The following PTPRD variants were observed in gnomAD, a reference collection of about 807,000 sequenced individuals.
The protein encoded by PTPRD is protein tyrosine phosphatase receptor type D.
A neutral mutation model predicts 214.5 loss-of-function variants in PTPRD; 34 were observed. The ratio of observed to expected loss-of-function variants is 0.16; its 90% CI spans 0.12 to 0.21. The LOEUF is 0.21. Ranked by LOEUF, PTPRD falls within the 10% of genes least tolerant of loss-of-function variation. PTPRD has a pLI of 1.00. For synonymous variants in PTPRD, 1,128 were observed against 845.7 expected (o/e 1.33, Z -5.79); for missense variants, 2,545 against 2,398.7 (o/e 1.06, Z -1.27).
chr9:8,947,349 G>A (rs1009926973), intron 11 of PTPRD, among the ~76,000 whole-genome samples: 2 of 151,346 alleles, frequency 1.3e-5, no homozygotes, highest in African/African-American at 4.9e-5. Flanking sequence ...TGTAGTCCCA[G>A]CTATTCGGGA....
At chr9:8,986,021 A>T (rs376742323) in intron 11 of PTPRD, among the ~76,000 whole-genome samples, 1 of 152,026 alleles carries the variant, frequency 6.6e-6, no homozygotes, top group East Asian at 1.9e-4. Context: ...ACAGTAGTTG[A>T]TTTAAATTAT....
intron 27 of PTPRD, among the ~76,000 whole-genome samples, chr9:8,488,924 T>C (rs1430001274): frequency 6.6e-6 from 1 of 150,940 alleles, no homozygotes. Context: ...GGCAACAGAT[T>C]AAACATATTT....
chr9:10,329,678 T>C (rs777047889), intron 3 of PTPRD, among the ~76,000 whole-genome samples: 3 of 151,816 alleles, frequency 2.0e-5, no homozygotes, highest in Non-Finnish European at 2.9e-5. Flanking sequence ...GTTGGAAAAA[T>C]AGAACGTGTG....
chr9:8,660,984 T>C (rs187630947), intron 12 of PTPRD, among the ~76,000 whole-genome samples: 1 of 152,064 alleles, frequency 6.6e-6, no homozygotes, highest in East Asian at 1.9e-4. Flanking sequence ...ACACAAACAC[T>C]TGCACTCACT....
At chr9:8,479,188 T>C (rs1226911618) in intron 30 of PTPRD, among the ~76,000 whole-genome samples, 2 of 152,202 alleles carry the variant, frequency 1.3e-5, no homozygotes, top group Non-Finnish European at 2.9e-5. Context: ...TTAACCAGTC[T>C]AGAAAACAGG....
At chr9:9,861,646 T>A (rs143388410) in intron 5 of PTPRD, among the ~76,000 whole-genome samples, 2 of 152,214 alleles carry the variant, frequency 1.3e-5, no homozygotes, top group Non-Finnish European at 2.9e-5. Context: ...TAACTATTGA[T>A]ATACAGTATA....
intron 11 of PTPRD, among the ~76,000 whole-genome samples, chr9:8,815,097 T>C (rs1389448480): frequency 6.7e-6 from 1 of 148,948 alleles, no homozygotes; most frequent in African/African-American, 2.6e-5. Context: ...GACATCACTT[T>C]ATATAATTTA....
At chr9:9,155,636 C>G (rs1177619334) in intron 10 of PTPRD, among the ~76,000 whole-genome samples, 1 of 152,116 alleles carries the variant, frequency 6.6e-6, no homozygotes, top group Non-Finnish European at 1.5e-5. Flanking sequence ...CTACATTCAT[C>G]CTTGGAAGAA....
At chr9:9,791,979 T>C (rs2098970640) in intron 5 of PTPRD, among the ~76,000 whole-genome samples, 1 of 152,166 alleles carries the variant, frequency 6.6e-6, no homozygotes, top group Admixed American at 6.5e-5. Context: ...GCACTGCATC[T>C]AGAGTTCTGT....
At chr9:10,377,578 G>C (rs2097756036) in intron 2 of PTPRD, among the ~76,000 whole-genome samples, 1 of 151,906 alleles carries the variant, frequency 6.6e-6, no homozygotes, top group African/African-American at 2.4e-5. Context: ...TGCTGAGAAT[G>C]GTGGTTTCCA....
chr9:9,220,937 G>C (rs899462509), intron 9 of PTPRD, among the ~76,000 whole-genome samples: 1 of 151,992 alleles, frequency 6.6e-6, no homozygotes, highest in African/African-American at 2.4e-5. Flanking sequence ...AGGAAAGTAG[G>C]GGGAGGCTAA....
chr9:8,759,204 T>C (rs1000123017), intron 11 of PTPRD, among the ~76,000 whole-genome samples: 2 of 152,032 alleles, frequency 1.3e-5, no homozygotes, highest in Non-Finnish European at 2.9e-5. Context: ...TTATTTTTTG[T>C]AGAGATAAGG....
At chr9:9,357,576 T>C (rs1040718192) in intron 9 of PTPRD, among the ~76,000 whole-genome samples, 1 of 151,104 alleles carries the variant, frequency 6.6e-6, no homozygotes, top group African/African-American at 2.4e-5. Context: ...TAAAAGACCA[T>C]ATAAGAATCA....
At chr9:10,384,894 C>T (rs2097888250) in intron 2 of PTPRD, among the ~76,000 whole-genome samples, 1 of 151,616 alleles carries the variant, frequency 6.6e-6, no homozygotes, top group Non-Finnish European at 1.5e-5. Flanking sequence ...ATAACTTAAA[C>T]TCTGATTTAC....
chr9:8,715,750 C>G (rs1188005093), intron 12 of PTPRD, among the ~76,000 whole-genome samples: 1 of 152,182 alleles, frequency 6.6e-6, no homozygotes, highest in Non-Finnish European at 1.5e-5. Context: ...AATCAAGCAG[C>G]AATCATGTTT....
intron 5 of PTPRD, among the ~76,000 whole-genome samples, chr9:9,782,553 A>C (rs200705773): frequency 6.6e-6 from 1 of 152,202 alleles, no homozygotes; most frequent in Admixed American, 6.5e-5. Context: ...ATAAATTAAG[A>C]AACATAAAAC....
chr9:9,941,994 C>T (rs1041593164), intron 4 of PTPRD, among the ~76,000 whole-genome samples: 7 of 152,162 alleles, frequency 4.6e-5, no homozygotes, highest in African/African-American at 1.7e-4. Context: ...GCCAAAAGTT[C>T]TACCCCACAA....
At chr9:8,940,816 G>A (rs182776445) in intron 11 of PTPRD, among the ~76,000 whole-genome samples, 5 of 110,396 alleles carry the variant, frequency 4.5e-5, no homozygotes, top group Admixed American at 4.4e-4. Context: ...AACTACCATT[G>A]CAAAACATTA....
At position 9,916,989 on chromosome 9, in the gene PTPRD, A is replaced by T. The variant is rs548915276; in HGVS notation, c.-368+21518T>A. Among the ~76,000 whole-genome samples, 4 of 151,980 alleles carry T rather than the reference A, an allele frequency of 2.6e-5. No homozygotes were observed. In the South Asian group the frequency reaches 8.3e-4, roughly 32 times the overall value. The stretch of plus-strand genomic sequence containing the variant: ...GGGTGTAGGAAAAAGTTAAGAATGA[A>T]ATTTAAAAATCTCTTGAAACAAATG... On this transcript the variant is annotated intron_variant, in intron 5 of 45. Transcript: ENST00000381196.
Sources: allele counts gnomAD v4.1 joint callset (sites outside exome capture counted in the v4.1 genomes callset), GRCh38; gene constraint gnomAD v4.1.1; transcripts MANE v1.5; gene names NCBI Gene and HGNC (gene_info 2026-07-23, HGNC 2026-07-21).